Variants in ZNF322 observed in about 807,000 individuals in gnomAD.
ZNF322 encodes HLA complex group 12.
A neutral mutation model predicts 18.3 loss-of-function variants in ZNF322; 1 was observed. The observed-to-expected ratio is 0.05, with a 90% CI of 0.02 to 0.26. The LOEUF (loss-of-function observed/expected upper bound fraction) is 0.26. Ranked by LOEUF, ZNF322 falls within the 10% of genes least tolerant of loss-of-function variation. The pLI is 1.00. For synonymous variants in ZNF322, 17 were observed against 130.7 expected (o/e 0.13, Z 5.93); for missense variants, 36 against 403.6 (o/e 0.09, Z 7.80).
intron 2 of ZNF322, among the ~76,000 whole-genome samples, chr6:26,656,419 G>A (rs1765772534): frequency 1.3e-5 from 2 of 152,100 alleles, no homozygotes; most frequent in African/African-American, 2.4e-5. Context: ...ACCTTCACAT[G>A]CACAAAACCA....
intron 2 of ZNF322, among the ~76,000 whole-genome samples, chr6:26,646,446 A>C (rs9368447): frequency 0.19 from 29,660 of 152,156 alleles, 3,029 homozygotes; most frequent in African/African-American, 0.24. Context: ...AAGCCAAAAG[A>C]ATTAAACATA....
intron 2 of ZNF322, among the ~76,000 whole-genome samples, chr6:26,649,082 T>C (rs1765606011): frequency 6.6e-6 from 1 of 152,254 alleles, no homozygotes; most frequent in Non-Finnish European, 1.5e-5. Context: ...AATACAATAC[T>C]TTCTGGCCCT....
chr6:26,646,630 G>C (rs1312640192), intron 2 of ZNF322, among the ~76,000 whole-genome samples: 1 of 152,060 alleles, frequency 6.6e-6, no homozygotes, highest in Admixed American at 6.6e-5. Context: ...ACTGGACCAA[G>C]AAGTAATGAT....
chr6:26,643,937 A>G (rs1554148513), intron 2 of ZNF322, among the ~76,000 whole-genome samples: 1 of 152,170 alleles, frequency 6.6e-6, no homozygotes, highest in Admixed American at 6.5e-5. Flanking sequence ...TCTATAACCC[A>G]TCTGCACAAT....
chr6:26,648,591 T>C (rs1765596204), intron 2 of ZNF322, among the ~76,000 whole-genome samples: 1 of 152,214 alleles, frequency 6.6e-6, no homozygotes, highest in Non-Finnish European at 1.5e-5. Flanking sequence ...TTCAGTATGG[T>C]AGCAGGATAT....
chr6:26,646,560 GA>G (rs1258151077), intron 2 of ZNF322, among the ~76,000 whole-genome samples: 1 of 152,148 alleles, frequency 6.6e-6, no homozygotes. Context: ...CAAAGAAACA[GA>G]GATAAAAATA....
At chr6:26,649,667 G>A (rs1262294347) in intron 2 of ZNF322, among the ~76,000 whole-genome samples, 4 of 44,210 alleles carry the variant, frequency 9.0e-5, no homozygotes, top group Admixed American at 2.4e-4. Flanking sequence ...GTGTGTGTGT[G>A]TGTGTGTGTA....
chr6:26,646,032 A>AAAATAAAT lies in ZNF322; in HGVS notation c.-245-2312_-245-2305dup, dbSNP rs58017104. Among the ~76,000 whole-genome samples, 680 of 147,896 alleles carry AAAATAAAT rather than the reference A, an allele frequency of 4.6e-3. 5 individuals are homozygous for AAAATAAAT. The highest frequency in any genetic ancestry group is 6.8e-3 in the Middle Eastern group (2 of 292). ...GGCAACAACAGCGAAACTCCGCCTC[A>AAAATAAAT]AAATAAATAAATAAATAAATAAATA... On this transcript the variant is annotated intron_variant, in intron 2 of 3. Transcript: ENST00000415922.
At chr6:26,649,655 GTGTGTGTGTGTGTGTGTGTGTATA>G (rs1765619016) in intron 2 of ZNF322, among the ~76,000 whole-genome samples, 5 of 42,692 alleles carry the variant, frequency 1.2e-4, no homozygotes, top group Non-Finnish European at 2.3e-4. Flanking sequence ...GTGTGTGTGT[GTGTGTGTGTGTGTGTGTGTGTATA>G]TATATATATA....
chr6:26,654,997 T>C (rs1452319628), intron 2 of ZNF322, among the ~76,000 whole-genome samples: 2 of 152,140 alleles, frequency 1.3e-5, no homozygotes, highest in Admixed American at 1.3e-4. Context: ...TAACATCACT[T>C]CTGCGGTATC....
intron 2 of ZNF322, among the ~76,000 whole-genome samples, chr6:26,649,675 G>GTGTGTGTATATATA (rs1465971500): frequency 8.7e-5 from 2 of 22,956 alleles, no homozygotes; most frequent in South Asian, 2.5e-3. Context: ...GTGTGTGTGT[G>GTGTGTGTATATATA]TATATATATA....
At position 26,644,834 on chromosome 6, in the gene ZNF322, T is replaced by C. The variant is rs118169891; in HGVS notation, c.-245-1106A>G. On this transcript the variant is annotated intron_variant, in intron 2 of 3. Coordinates refer to ENST00000415922, the MANE Select transcript of ZNF322 (RefSeq NM_024639.5). ...TTTATTTTTATTTTAAGTTCCAGGG[T>C]ACCTGTGCGGGATGTGCAGTTTTGT... Among the ~76,000 whole-genome samples, 35 of 152,300 alleles carry C rather than the reference T, an allele frequency of 2.3e-4. No homozygotes were observed. The East Asian group carries it at 6.7e-3, about 29-fold the overall frequency.
intron 2 of ZNF322, among the ~76,000 whole-genome samples, chr6:26,645,815 T>C (rs1765548526): frequency 6.6e-6 from 1 of 152,084 alleles, no homozygotes. Context: ...GCGGATCATA[T>C]GAGGTCGGGA....
chr6:26,645,270 C>T (rs947878301), intron 2 of ZNF322, among the ~76,000 whole-genome samples: 1 of 152,198 alleles, frequency 6.6e-6, no homozygotes, highest in African/African-American at 2.4e-5. Context: ...AACAAATGTA[C>T]TATACAAAGC....
intron 2 of ZNF322, among the ~76,000 whole-genome samples, chr6:26,649,765 G>A (rs1344554425): frequency 8.0e-5 from 11 of 137,244 alleles, no homozygotes; most frequent in African/African-American, 3.0e-4. Context: ...GTGCAATGGC[G>A]TGATCTTGGC....
At chr6:26,640,519 T>C (rs1296089410) in intron 3 of ZNF322, among the ~76,000 whole-genome samples, 1 of 152,196 alleles carries the variant, frequency 6.6e-6, no homozygotes, top group Non-Finnish European at 1.5e-5. Context: ...CATTCACATC[T>C]TTGCTCAACA....
chr6:26,639,741 T>C (rs782353626), intron 3 of ZNF322, among the ~76,000 whole-genome samples: 36 of 152,154 alleles, frequency 2.4e-4, no homozygotes, highest in Non-Finnish European at 4.7e-4. Context: ...CCCTCATACA[T>C]TCAGACCCCT....
At chr6:26,649,637 A>ATATGTGTGTGTG (rs1561924633) in intron 2 of ZNF322, among the ~76,000 whole-genome samples, 1 of 67,606 alleles carries the variant, frequency 1.5e-5, no homozygotes, top group East Asian at 4.9e-4. Flanking sequence ...ATACATACAT[A>ATATGTGTGTGTG]TGTGTGTGTG....
intron 2 of ZNF322, among the ~76,000 whole-genome samples, chr6:26,654,642 C>T (rs113492831): frequency 2.0e-5 from 3 of 151,002 alleles, no homozygotes; most frequent in African/African-American, 4.9e-5. Flanking sequence ...TGAATTTGTA[C>T]TCATTAAAAA....
Sources: gnomAD v4.1 joint callset for allele counts (sites outside exome capture counted in the v4.1 genomes callset) on GRCh38, gnomAD v4.1.1 for gene constraint, MANE v1.5 for transcripts, NCBI Gene and HGNC (gene_info 2026-07-23, HGNC 2026-07-21) for gene names.